Variants in KIAA0040 observed in about 807,000 individuals in gnomAD.
The protein encoded by KIAA0040 is KIAA0040, also known as uncharacterized protein KIAA0040.
Under a neutral mutation model 7.2 loss-of-function variants are expected in KIAA0040, and 10 were observed. The ratio of observed to expected loss-of-function variants is 1.38; its 90% CI spans 0.85 to 2.34. The LOEUF (loss-of-function observed/expected upper bound fraction) is 2.34. Ranked by LOEUF, KIAA0040 falls within the 30% of genes most tolerant of loss-of-function variation. The probability of loss-of-function intolerance (pLI) is 0.00; values close to 1 mark genes in which losing one functional copy is unlikely to be tolerated. For missense variants in KIAA0040, 89 were observed against 108.2 expected, an observed-to-expected ratio of 0.82 and a Z score of 0.79; for synonymous variants, 49 against 40.1, an observed-to-expected ratio of 1.22 and a Z score of -0.84.
intron 2 of KIAA0040, among the ~76,000 whole-genome samples, chr1:175,168,177 C>A (rs926403179): frequency 6.6e-6 from 1 of 152,194 alleles, no homozygotes; most frequent in South Asian, 2.1e-4. Flanking sequence ...ATGGTTCTCA[C>A]CTTGCTAACC....
Position 175,157,726 on chromosome 1 carries a change from T to G in KIAA0040, c.*2988A>C, listed in dbSNP as rs571523131. 6 of 150,372 alleles carry G rather than the reference T, an allele frequency of 4.0e-5. No individual in the cohort carries two copies. In the East Asian group the frequency reaches 1.2e-3, roughly 29 times the overall value. 9.3% of individuals were successfully genotyped at this position (150,372 alleles called of 1,614,324 possible). On this transcript the variant is annotated 3_prime_UTR_variant, in exon 4 of 4. Transcript: ENST00000423313. Reference sequence around the variant, plus strand: ...AAGAAACATGGAATCCATTGAGCAATGGGGAAAGGAGCAATGGGGAAAGGC... The same window carrying G: ...AAGAAACATGGAATCCATTGAGCAAGGGGGAAAGGAGCAATGGGGAAAGGC...
Position 175,160,651 on chromosome 1 carries a change from T to C in KIAA0040, c.*63A>G. On this transcript the variant is annotated 3_prime_UTR_variant, in exon 4 of 4. Transcript: ENST00000423313. ...TGCATTATTTCAGGGGTTCCTGAAATGTCTGTGTGTGGTCAGAAGGAGGCT... is the reference window on the plus strand; with the variant it reads ...TGCATTATTTCAGGGGTTCCTGAAACGTCTGTGTGTGGTCAGAAGGAGGCT... 7.1e-7 allele frequency: 1 copy of C among 1,411,200 alleles called. No individual in the cohort carries two copies. Among genetic ancestry groups the C allele is most frequent in the Non-Finnish European group, 9.4e-7 (1 of 1,059,838 alleles). 87.4% of individuals were successfully genotyped at this position (1,411,200 alleles called of 1,614,324 possible). A position where few individuals can be genotyped will look rare whatever the true frequency, so the allele number is the denominator to read the frequency against.
chr1:175,175,433 G>A (rs368428398), intron 2 of KIAA0040, among the ~76,000 whole-genome samples: 1 of 151,498 alleles, frequency 6.6e-6, no homozygotes, highest in African/African-American at 2.4e-5. Context: ...TGGTGGGACT[G>A]TAAACTAGTT....
rs544692593 is a variant in KIAA0040, at chr1:175,165,678, G to A, written c.-134+884C>T. The stretch of plus-strand genomic sequence containing the variant: ...GATTGCTGAGTTCATAGGTGAGGTG[G>A]AGGAGAGCAGCTAGCCATCTACAGG... On this transcript the variant is annotated intron_variant, in intron 3 of 3. Transcript: ENST00000423313. 3.9e-5 allele frequency among the ~76,000 whole-genome samples: 6 copies of A among 152,328 alleles called. No individual in the cohort carries two copies. In the South Asian group the frequency reaches 1.2e-3, roughly 32 times the overall value.
intron 1 of KIAA0040, among the ~76,000 whole-genome samples, chr1:175,179,829 TTC>T (rs932007426): frequency 6.6e-6 from 1 of 152,238 alleles, no homozygotes; most frequent in African/African-American, 2.4e-5. Context: ...TCCAAATTTG[TTC>T]AAAATTGTAA....
chr1:175,191,202 C>T (rs1351364921), intron 1 of KIAA0040, among the ~76,000 whole-genome samples: 1 of 152,222 alleles, frequency 6.6e-6, no homozygotes, highest in Admixed American at 6.5e-5. Flanking sequence ...CTGGCCTGCA[C>T]ACGGTAGGTT....
chr1:175,173,032 G>C (rs1331165156), intron 2 of KIAA0040, among the ~76,000 whole-genome samples: 2 of 152,158 alleles, frequency 1.3e-5, no homozygotes, highest in Non-Finnish European at 2.9e-5. Flanking sequence ...TAGAAAGTGA[G>C]TTAACCAGCC....
At position 175,164,028 on chromosome 1, in the gene KIAA0040, G is replaced by A. The variant is rs950109606; in HGVS notation, c.-134+2534C>T. Among the ~76,000 whole-genome samples the A allele has an allele frequency of 7.2e-5, 11 of 152,330 alleles. No homozygotes were observed. The East Asian group carries it at 2.1e-3, about 29-fold the overall frequency. On this transcript the variant is annotated intron_variant, in intron 3 of 3. Coordinates refer to ENST00000423313, the MANE Select transcript of KIAA0040 (RefSeq NM_014656.3). ...CTTCTAGAACATGAGCAGGAGAACAGGGGGTCTTCTGGTGAGCCTGGAGCT... is the reference window on the plus strand; with the variant it reads ...CTTCTAGAACATGAGCAGGAGAACAAGGGGTCTTCTGGTGAGCCTGGAGCT...
At chr1:175,162,915 A>G (rs1470801552) in intron 3 of KIAA0040, among the ~76,000 whole-genome samples, 1 of 152,254 alleles carries the variant, frequency 6.6e-6, no homozygotes, top group African/African-American at 2.4e-5. Flanking sequence ...TAATAATTGT[A>G]GCCAACTTTT....
At chr1:175,191,212 T>C (rs6677935) in intron 1 of KIAA0040, among the ~76,000 whole-genome samples, 74,353 of 152,104 alleles carry the variant, frequency 0.49, 18,710 homozygotes, top group Non-Finnish European at 0.56. Flanking sequence ...CACGGTAGGT[T>C]TGGCAAATGT....
intron 1 of KIAA0040, among the ~76,000 whole-genome samples, chr1:175,185,972 A>G (rs1187833080): frequency 1.3e-5 from 2 of 152,372 alleles, no homozygotes; most frequent in Non-Finnish European, 2.9e-5. Flanking sequence ...AATATGAAAT[A>G]TCTAGAATAA....
At chr1:175,192,927 G>A (rs1399508114), upstream of KIAA0040, 3 of 151,788 alleles carry the variant, frequency 2.0e-5, no homozygotes, top group Non-Finnish European at 4.4e-5. Context: ...GCCTGGCATA[G>A]TTGAGGTTTC....
intron 3 of KIAA0040, among the ~76,000 whole-genome samples, chr1:175,164,489 C>T (rs1057376640): frequency 6.6e-6 from 1 of 152,136 alleles, no homozygotes; most frequent in South Asian, 2.1e-4. Flanking sequence ...TTTATCTCAA[C>T]ATCTAGGGCC....
At chr1:175,165,569 G>T (rs915553152) in intron 3 of KIAA0040, among the ~76,000 whole-genome samples, 3 of 152,202 alleles carry the variant, frequency 2.0e-5, no homozygotes, top group African/African-American at 7.2e-5. Context: ...TTGGTCTGTA[G>T]GTCTGTGGCT....
At position 175,159,379 on chromosome 1, in the gene KIAA0040, C is replaced by T. The variant is rs962632711; in HGVS notation, c.*1335G>A. On this transcript the variant is annotated 3_prime_UTR_variant, in exon 4 of 4. Transcript: ENST00000423313. ...TCCATTGCAGCAATTAGTGGGCTCA[C>T]TTAGAAGAGAAGATCACTCGGGGAG... The T allele has an allele frequency of 3.3e-5, 5 of 152,228 alleles. No homozygotes were observed. Among genetic ancestry groups the T allele is most frequent in the Non-Finnish European group, 7.3e-5 (5 of 68,034 alleles). The allele number at this position is 152,228 out of a possible 1,614,324, so 9.4% of individuals were successfully genotyped here.
chr1:175,177,931 G>C lies in KIAA0040; in HGVS notation c.-383-247C>G, dbSNP rs111524286. On this transcript the variant is annotated intron_variant, in intron 1 of 3. Coordinates refer to ENST00000423313, the MANE Select transcript of KIAA0040 (RefSeq NM_014656.3). The stretch of plus-strand genomic sequence containing the variant: ...CTGTTAGGAACTGTACAAATATTTA[G>C]AGTCATAATTGGTATTATTCCCAGC... Among the ~76,000 whole-genome samples the C allele has an allele frequency of 2.6e-3, 392 of 152,322 alleles. 4 individuals carry two copies. The highest frequency in any genetic ancestry group is 9.1e-3 in the African/African-American group (379 of 41,570).
chr1:175,175,852 A>T (rs994177992), intron 2 of KIAA0040, among the ~76,000 whole-genome samples: 11 of 152,000 alleles, frequency 7.2e-5, no homozygotes, highest in African/African-American at 9.7e-5. Flanking sequence ...CAGGAAGGGG[A>T]ACATCACACA....
chr1:175,167,208 T>C (rs939387177), intron 2 of KIAA0040, among the ~76,000 whole-genome samples: 1 of 152,218 alleles, frequency 6.6e-6, no homozygotes, highest in Admixed American at 6.5e-5. Flanking sequence ...CTGAAAAGTT[T>C]TGAAACACAA....
At chr1:175,175,989 C>T (rs1038585483) in intron 2 of KIAA0040, among the ~76,000 whole-genome samples, 3 of 152,022 alleles carry the variant, frequency 2.0e-5, no homozygotes, top group Non-Finnish European at 2.9e-5. Context: ...CAAACCTGCA[C>T]GTTGTGCACA....
Sources: allele counts gnomAD v4.1 joint callset (sites outside exome capture counted in the v4.1 genomes callset), GRCh38; gene constraint gnomAD v4.1.1; transcripts MANE v1.5; gene names NCBI Gene and HGNC (gene_info 2026-07-23, HGNC 2026-07-21).